The following EBF1 variants were observed in gnomAD, a reference collection of about 807,000 sequenced individuals.
The protein encoded by EBF1 is EBF transcription factor 1.
EBF1 carries 10 observed loss-of-function variants against 68.4 expected under a neutral mutation model. The ratio of observed to expected loss-of-function variants is 0.15; its 90% CI spans 0.09 to 0.25. The LOEUF (loss-of-function observed/expected upper bound fraction) is 0.25, where lower values mean the gene tolerates loss of function less well. Ranked by LOEUF, EBF1 falls within the 10% of genes least tolerant of loss-of-function variation. The probability of loss-of-function intolerance (pLI) is 1.00; values close to 1 mark genes in which losing one functional copy is unlikely to be tolerated. For missense variants in EBF1, 509 were observed against 794.4 expected, an observed-to-expected ratio of 0.64 and a Z score of 4.32; for synonymous variants, 298 against 299.8, an observed-to-expected ratio of 0.99 and a Z score of 0.06.
chr5:158,814,531 C>T (rs899248576), intron 8 of EBF1, among the ~76,000 whole-genome samples: 2 of 152,138 alleles, frequency 1.3e-5, no homozygotes, highest in Non-Finnish European at 2.9e-5. Flanking sequence ...AAATTTCCCA[C>T]AGTTTACAGG....
At chr5:158,869,804 T>G (rs1356988476) in intron 6 of EBF1, among the ~76,000 whole-genome samples, 1 of 152,286 alleles carries the variant, frequency 6.6e-6, no homozygotes, top group Non-Finnish European at 1.5e-5. Flanking sequence ...ATGAAGATAA[T>G]TGGAGAGTCT....
intron 10 of EBF1, among the ~76,000 whole-genome samples, chr5:158,731,932 T>C (rs1764172650): frequency 6.6e-6 from 1 of 152,116 alleles, no homozygotes; most frequent in South Asian, 2.1e-4. Context: ...ACACACTCTT[T>C]AAAGCATCCT....
chr5:158,843,465 G>A (rs1348883158), intron 6 of EBF1, among the ~76,000 whole-genome samples: 6 of 152,204 alleles, frequency 3.9e-5, no homozygotes, highest in South Asian at 2.1e-4. Flanking sequence ...AAGCTATGCC[G>A]GGCACACACC....
At chr5:158,823,937 T>A (rs79379927) in intron 7 of EBF1, among the ~76,000 whole-genome samples, 2 of 149,472 alleles carry the variant, frequency 1.3e-5, no homozygotes. Context: ...TGTTTCAAAT[T>A]AAAAAAAAAA....
At chr5:158,822,597 G>A (rs764492758) in intron 8 of EBF1, among the ~76,000 whole-genome samples, 12 of 152,180 alleles carry the variant, frequency 7.9e-5, no homozygotes, top group Non-Finnish European at 1.3e-4. Flanking sequence ...ACATGGTGAA[G>A]AGGTAAGAGT....
rs543857617 is a variant in EBF1, at chr5:158,995,585, C to T, written c.554+77811G>A. Among the ~76,000 whole-genome samples, 12 of 152,334 alleles carry T rather than the reference C, an allele frequency of 7.9e-5. No homozygotes were observed. The South Asian group carries it at 2.1e-3, about 26-fold the overall frequency. The stretch of plus-strand genomic sequence containing the variant: ...GTTGAGGAAAAAGCCCCGAACAGGG[C>T]ATCCTGTGGAGAGCAGAATGACTCC... On this transcript the variant is annotated intron_variant, in intron 6 of 15. Coordinates refer to ENST00000313708, the MANE Select transcript of EBF1 (RefSeq NM_024007.5).
chr5:158,912,156 T>C (rs1041693018), intron 6 of EBF1, among the ~76,000 whole-genome samples: 1 of 152,226 alleles, frequency 6.6e-6, no homozygotes, highest in African/African-American at 2.4e-5. Flanking sequence ...GCACATGTCT[T>C]AGGAGAGTAA....
intron 6 of EBF1, among the ~76,000 whole-genome samples, chr5:158,981,157 TAA>T (rs961207462): frequency 7.0e-6 from 1 of 142,678 alleles, no homozygotes; most frequent in African/African-American, 2.6e-5. Context: ...TTCCAAATGT[TAA>T]AAAAAAAAAA....
chr5:158,944,473 G>T (rs886572263), intron 6 of EBF1, among the ~76,000 whole-genome samples: 1 of 152,276 alleles, frequency 6.6e-6, no homozygotes, highest in African/African-American at 2.4e-5. Context: ...TATCATTGAT[G>T]GGCATTTGGA....
intron 6 of EBF1, among the ~76,000 whole-genome samples, chr5:158,994,400 G>A (rs1760998664): frequency 6.6e-6 from 1 of 152,124 alleles, no homozygotes; most frequent in East Asian, 1.9e-4. Context: ...TAGAGTCAAG[G>A]GGCCTTTCAA....
intron 6 of EBF1, among the ~76,000 whole-genome samples, chr5:158,977,383 C>T (rs371309897): frequency 4.6e-5 from 7 of 152,094 alleles, no homozygotes; most frequent in African/African-American, 1.7e-4. Flanking sequence ...AGAAAGTACA[C>T]GTAAAGGGTT....
At chr5:158,912,230 A>T (rs1438256162) in intron 6 of EBF1, among the ~76,000 whole-genome samples, 2 of 152,194 alleles carry the variant, frequency 1.3e-5, no homozygotes, top group Non-Finnish European at 2.9e-5. Flanking sequence ...AAACATTGCA[A>T]ATTTCACATA....
At chr5:158,746,624 T>G (rs1767630925) in intron 10 of EBF1, among the ~76,000 whole-genome samples, 1 of 152,102 alleles carries the variant, frequency 6.6e-6, no homozygotes. Flanking sequence ...ATGGGTGGAA[T>G]GGACCTGCTT....
intron 6 of EBF1, among the ~76,000 whole-genome samples, chr5:159,071,121 G>C (rs181575780): frequency 2.9e-4 from 44 of 152,304 alleles, no homozygotes; most frequent in African/African-American, 9.9e-4. Context: ...ACCTTTGGCA[G>C]CCTGAAGGAC....
intron 6 of EBF1, among the ~76,000 whole-genome samples, chr5:158,890,232 CACTT>C (rs1334850291): frequency 7.2e-5 from 11 of 152,274 alleles, no homozygotes; most frequent in South Asian, 2.1e-4. Flanking sequence ...CTAAATGTTA[CACTT>C]ACTTAATTTT....
chr5:158,928,126 G>T (rs899035317), intron 6 of EBF1, among the ~76,000 whole-genome samples: 1 of 152,180 alleles, frequency 6.6e-6, no homozygotes, highest in Non-Finnish European at 1.5e-5. Flanking sequence ...CAGGGTGTCA[G>T]ATACATAAGG....
chr5:158,884,765 T>C (rs976680204), intron 6 of EBF1, among the ~76,000 whole-genome samples: 6 of 152,224 alleles, frequency 3.9e-5, no homozygotes, highest in African/African-American at 1.4e-4. Context: ...AATTGCTTAC[T>C]CTATGATAGA....
intron 6 of EBF1, among the ~76,000 whole-genome samples, chr5:158,984,045 T>C (rs1391786847): frequency 3.9e-5 from 6 of 152,160 alleles, no homozygotes; most frequent in Admixed American, 3.9e-4. Context: ...GTCCTTTAGT[T>C]AGAAGCTTAT....
chr5:158,873,198 G>A (rs1055166868), intron 6 of EBF1, among the ~76,000 whole-genome samples: 4 of 151,888 alleles, frequency 2.6e-5, no homozygotes, highest in Admixed American at 6.6e-5. Context: ...TAGAAAAGCC[G>A]ACTGACCAGA....
Sources: gnomAD v4.1 joint callset for allele counts (sites outside exome capture counted in the v4.1 genomes callset) on GRCh38, gnomAD v4.1.1 for gene constraint, MANE v1.5 for transcripts, NCBI Gene and HGNC (gene_info 2026-07-23, HGNC 2026-07-21) for gene names.